Variants in RGS9 observed in about 807,000 individuals in gnomAD.
RGS9 encodes the protein regulator of G-protein signalling 9.
RGS9 carries 78 observed loss-of-function variants against 102.0 expected under a neutral mutation model. The ratio of observed to expected loss-of-function variants is 0.76; its 90% CI spans 0.64 to 0.92. The LOEUF is 0.92. RGS9 is among the 40% of genes least tolerant of loss of function. RGS9 has a pLI of 0.00. For synonymous variants in RGS9, 353 were observed against 318.6 expected (o/e 1.11, Z -1.15); for missense variants, 833 against 866.1 (o/e 0.96, Z 0.48).
intron 17 of RGS9, among the ~76,000 whole-genome samples, chr17:65,211,731 C>G (rs1356510486): frequency 6.6e-6 from 1 of 152,242 alleles, no homozygotes; most frequent in African/African-American, 2.4e-5. Context: ...AGCAGGAATA[C>G]TCACTCATTC....
intron 15 of RGS9, among the ~76,000 whole-genome samples, chr17:65,204,657 A>G (rs61524757): frequency 0.16 from 24,206 of 152,110 alleles, 4,108 homozygotes; most frequent in African/African-American, 0.39. Context: ...GGCCTAGAGG[A>G]ACTCCTGTAG....
intron 17 of RGS9, among the ~76,000 whole-genome samples, chr17:65,212,717 C>T (rs2869583): frequency 0.037 from 5,572 of 152,318 alleles, 158 homozygotes; most frequent in Middle Eastern, 0.075. Context: ...GACACTTACA[C>T]TTTCCATTTG....
At chr17:65,159,277 C>T (rs1022593384) in intron 3 of RGS9, among the ~76,000 whole-genome samples, 4 of 152,114 alleles carry the variant, frequency 2.6e-5, no homozygotes, top group Admixed American at 6.6e-5. Context: ...CCGCCTGCAC[C>T]CAGGTGAAAT....
chr17:65,198,389 G>A (rs974462940), intron 13 of RGS9, among the ~76,000 whole-genome samples: 1 of 152,096 alleles, frequency 6.6e-6, no homozygotes, highest in Non-Finnish European at 1.5e-5. Flanking sequence ...CCAAGTAGCT[G>A]GGACTATAGG....
At chr17:65,207,494 C>A (rs1365154509) in intron 15 of RGS9, among the ~76,000 whole-genome samples, 1 of 152,210 alleles carries the variant, frequency 6.6e-6, no homozygotes, top group African/African-American at 2.4e-5. Context: ...ATGTAGCATG[C>A]AGCATATGAG....
At chr17:65,218,492 G>A (rs1913592446) in intron 17 of RGS9, among the ~76,000 whole-genome samples, 1 of 152,212 alleles carries the variant, frequency 6.6e-6, no homozygotes, top group South Asian at 2.1e-4. Flanking sequence ...AATGGTAGGG[G>A]AAGGAATGTG....
At position 65,225,241 on chromosome 17, in the gene RGS9, T is replaced by C; in HGVS notation, c.1647T>C (p.Arg549=). 3 of 1,610,522 alleles carry C rather than the reference T, an allele frequency of 1.9e-6. No individual in the cohort carries two copies. Among genetic ancestry groups the C allele is most frequent in the Non-Finnish European group, 1.7e-6 (2 of 1,179,968 alleles). ...AGTGCAGCGGGTCCATGGCCCCCCGTGGGCCCTCTGTCACCGAGAGCAGCG... is the reference window on the plus strand; with the variant it reads ...AGTGCAGCGGGTCCATGGCCCCCCGCGGGCCCTCTGTCACCGAGAGCAGCG... ...KGECSGSMAP[R]GPSVTESSEA... is the part of the protein sequence containing the mutation. Residue 549 remains arginine, a synonymous_variant, in exon 18 of 19, where the codon CGT becomes CGC. Transcript: ENST00000262406.
At position 65,227,650 on chromosome 17, in the gene RGS9, G is replaced by C; in HGVS notation, c.*243G>C. On this transcript the variant is annotated 3_prime_UTR_variant, in exon 19 of 19. Coordinates refer to ENST00000262406, the MANE Select transcript of RGS9 (RefSeq NM_003835.4). ...CAGAAGAAACGCATGTGGACCAGAA[G>C]ACTTTCCCTGCTGCCTTAAAACCAA... 3.6e-6 allele frequency: 2 copies of C among 561,088 alleles called. No individual in the cohort carries two copies. Among genetic ancestry groups the C allele is most frequent in the South Asian group, 4.1e-5 (2 of 49,298 alleles). The allele number at this position is 561,088 out of a possible 1,614,324, so 34.8% of individuals were successfully genotyped here.
Position 65,226,835 on chromosome 17 carries a change from G to A in RGS9, c.1893-440G>A, listed in dbSNP as rs1004370877. On this transcript the variant is annotated intron_variant, in intron 18 of 18. Transcript: ENST00000262406. ...TCGCCATTTTGGCCAGGCTGGTCTC[G>A]AACTCCTGACCTCAGGCGATCCGCC... Among the ~76,000 whole-genome samples the A allele has an allele frequency of 2.6e-5, 4 of 152,054 alleles. 1 individual carries two copies. In the Middle Eastern group the frequency reaches 0.01, roughly 388 times the overall value.
rs531697424 is a variant in RGS9, at chr17:65,170,792, C to T, written c.582+2511C>T. On this transcript the variant is annotated intron_variant, in intron 8 of 18. Coordinates refer to ENST00000262406, the MANE Select transcript of RGS9 (RefSeq NM_003835.4). The stretch of plus-strand genomic sequence containing the variant: ...ACTGCTCCCCACATCTAACCTCTTT[C>T]ATGGCTGCTCCCTGAGTGAAAACCA... 1.2e-4 allele frequency among the ~76,000 whole-genome samples: 19 copies of T among 152,348 alleles called. No homozygotes were observed. The South Asian group carries it at 1.7e-3, about 13-fold the overall frequency.
chr17:65,213,729 G>T (rs1913391070), intron 17 of RGS9, among the ~76,000 whole-genome samples: 1 of 152,134 alleles, frequency 6.6e-6, no homozygotes, highest in Non-Finnish European at 1.5e-5. Context: ...TGTGCTCTGT[G>T]TCAGGCTCAT....
At chr17:65,147,282 G>A (rs996947367) in intron 1 of RGS9, among the ~76,000 whole-genome samples, 1 of 152,234 alleles carries the variant, frequency 6.6e-6, no homozygotes, top group African/African-American at 2.4e-5. Flanking sequence ...CCCTGGAGCT[G>A]CCTGGGTCTG....
At chr17:65,167,074 G>A (rs1484305717) in intron 7 of RGS9, among the ~76,000 whole-genome samples, 4 of 152,178 alleles carry the variant, frequency 2.6e-5, no homozygotes, top group Non-Finnish European at 1.5e-5. Context: ...GGTACAGAAG[G>A]GGGCCCACGG....
intron 14 of RGS9, among the ~76,000 whole-genome samples, chr17:65,203,309 G>T (rs915474033): frequency 2.0e-5 from 3 of 152,146 alleles, no homozygotes; most frequent in African/African-American, 4.8e-5. Context: ...AGGGCTGTCG[G>T]TCCGGGAAGC....
intron 8 of RGS9, among the ~76,000 whole-genome samples, chr17:65,169,904 A>C: frequency 6.8e-6 from 1 of 147,692 alleles, no homozygotes; most frequent in African/African-American, 2.5e-5. Flanking sequence ...GACCTCTACC[A>C]CCTCTCTTAT....
At chr17:65,191,030 AT>A (rs1912345313) in intron 11 of RGS9, among the ~76,000 whole-genome samples, 1 of 152,170 alleles carries the variant, frequency 6.6e-6, no homozygotes, top group Non-Finnish European at 1.5e-5. Context: ...ACATCTTCCT[AT>A]GTCCCCAGTT....
At chr17:65,174,590 T>C (rs1911550972) in intron 8 of RGS9, among the ~76,000 whole-genome samples, 1 of 150,672 alleles carries the variant, frequency 6.6e-6, no homozygotes, top group South Asian at 2.1e-4. Flanking sequence ...CATATGTATA[T>C]GTGAGTGTGC....
intron 16 of RGS9, 139 bp downstream of exon 16, chr17:65,208,146 T>C: frequency 1.5e-6 from 1 of 671,882 alleles, no homozygotes; most frequent in South Asian, 1.5e-5. Context: ...GCTCAGGGAA[T>C]GAGTGCCTCA....
At chr17:65,146,064 T>G (rs547674309) in intron 1 of RGS9, among the ~76,000 whole-genome samples, 1 of 152,266 alleles carries the variant, frequency 6.6e-6, no homozygotes, top group Middle Eastern at 3.4e-3. Context: ...ATTTTCAAAC[T>G]CTTTATAACT....
Sources: gnomAD v4.1 joint callset for allele counts (sites outside exome capture counted in the v4.1 genomes callset) on GRCh38, gnomAD v4.1.1 for gene constraint, MANE v1.5 for transcripts, NCBI Gene and HGNC (gene_info 2026-07-23, HGNC 2026-07-21) for gene names.